Variants in LURAP1L observed in about 807,000 individuals in gnomAD.
LURAP1L encodes leucine rich adaptor protein 1 like.
Under a neutral mutation model 13.8 loss-of-function variants are expected in LURAP1L, and 12 were observed. The ratio of observed to expected loss-of-function variants is 0.87; its 90% CI spans 0.56 to 1.41. The LOEUF (loss-of-function observed/expected upper bound fraction) is 1.41. LURAP1L is among the 40% of genes most tolerant of loss of function. The pLI, the probability that LURAP1L is intolerant of heterozygous loss-of-function variation, is 0.00. For missense variants in LURAP1L, 375 were observed against 292.9 expected (o/e 1.28, Z -2.04); for synonymous variants, 139 against 119.2 (o/e 1.17, Z -1.08).
At chr9:12,794,053 G>A (rs1307983398) in intron 1 of LURAP1L, among the ~76,000 whole-genome samples, 1 of 152,028 alleles carries the variant, frequency 6.6e-6, no homozygotes, top group Non-Finnish European at 1.5e-5. Context: ...CATTAATTAA[G>A]CCTCCTAGGA....
chr9:12,786,923 T>G (rs150422366), intron 1 of LURAP1L, among the ~76,000 whole-genome samples: 1 of 152,160 alleles, frequency 6.6e-6, no homozygotes, highest in East Asian at 1.9e-4. Context: ...ATTGGACCCA[T>G]CATTTCATTT....
chr9:12,786,972 T>A (rs970338737), intron 1 of LURAP1L, among the ~76,000 whole-genome samples: 2 of 152,100 alleles, frequency 1.3e-5, no homozygotes, highest in African/African-American at 2.4e-5. Context: ...GTGAGCAGAA[T>A]AAAGTTGTTA....
At chr9:12,793,781 T>C (rs1036061440) in intron 1 of LURAP1L, among the ~76,000 whole-genome samples, 2 of 152,010 alleles carry the variant, frequency 1.3e-5, no homozygotes, top group East Asian at 1.9e-4. Flanking sequence ...CTTTACTTAG[T>C]ACCAAAGACG....
intron 1 of LURAP1L, among the ~76,000 whole-genome samples, chr9:12,776,954 G>C (rs189246924): frequency 1.9e-4 from 29 of 151,860 alleles, no homozygotes; most frequent in African/African-American, 6.5e-4. Flanking sequence ...CCCTCCCTAA[G>C]TCCTTTGAAA....
At chr9:12,806,313 G>A (rs1030853848) in intron 1 of LURAP1L, among the ~76,000 whole-genome samples, 4 of 151,936 alleles carry the variant, frequency 2.6e-5, no homozygotes, top group Non-Finnish European at 1.5e-5. Context: ...ATATGAATTC[G>A]TTTTCTAGTA....
intron 1 of LURAP1L, among the ~76,000 whole-genome samples, chr9:12,803,517 C>T (rs1374120560): frequency 1.3e-5 from 2 of 152,192 alleles, no homozygotes; most frequent in African/African-American, 4.8e-5. Flanking sequence ...CACCTGTTAT[C>T]TCTGTTTTAA....
Position 12,822,891 on chromosome 9 carries a change from C to A in LURAP1L, c.*1131C>A, listed in dbSNP as rs183607569. Reference sequence around the variant, plus strand: ...TGTTCTTTGTAATGATAAATGTTTCCGGACTAAACACTCTATAATACAAAT... The same window carrying A: ...TGTTCTTTGTAATGATAAATGTTTCAGGACTAAACACTCTATAATACAAAT... On this transcript the variant is annotated 3_prime_UTR_variant, in exon 2 of 2. Transcript: ENST00000319264. 2.0e-5 allele frequency among the ~76,000 whole-genome samples: 3 copies of A among 151,980 alleles called. No homozygotes were observed. The highest frequency in any genetic ancestry group is 7.3e-5 in the African/African-American group (3 of 41,372).
intron 1 of LURAP1L, among the ~76,000 whole-genome samples, chr9:12,778,725 G>A (rs536098954): frequency 5.3e-5 from 8 of 152,292 alleles, no homozygotes; most frequent in Non-Finnish European, 1.0e-4. Context: ...TGGAAATCTT[G>A]ATTTTTATTT....
Position 12,822,031 on chromosome 9 carries a change from C to T in LURAP1L, c.*271C>T. On this transcript the variant is annotated 3_prime_UTR_variant, in exon 2 of 2. Coordinates refer to ENST00000319264, the MANE Select transcript of LURAP1L (RefSeq NM_203403.2). ...AACAAAGTAGGGGGAAAAGAATAAG[C>T]AATAATTATGTTTTTGCTTTTGTTT... The T allele has an allele frequency of 3.0e-6, 1 of 331,294 alleles. No individual in the cohort carries two copies. Among genetic ancestry groups the T allele is most frequent in the Non-Finnish European group, 5.5e-6 (1 of 183,162 alleles). 20.5% of individuals were successfully genotyped at this position (331,294 alleles called of 1,614,324 possible).
At chr9:12,791,991 G>A (rs986936095) in intron 1 of LURAP1L, among the ~76,000 whole-genome samples, 3 of 152,200 alleles carry the variant, frequency 2.0e-5, no homozygotes, top group Middle Eastern at 6.8e-3. Context: ...CATACCTGAG[G>A]CCAGTATTCA....
chr9:12,803,554 A>G (rs991177218), intron 1 of LURAP1L, among the ~76,000 whole-genome samples: 2 of 152,224 alleles, frequency 1.3e-5, no homozygotes, highest in Admixed American at 6.5e-5. Flanking sequence ...TTTCTGCTGG[A>G]AAAGGATCAG....
chr9:12,819,781 T>C (rs1819848337), intron 1 of LURAP1L, among the ~76,000 whole-genome samples: 1 of 151,864 alleles, frequency 6.6e-6, no homozygotes, highest in Non-Finnish European at 1.5e-5. Flanking sequence ...GGTGAAACCC[T>C]GTCTCCACTA....
At chr9:12,800,369 A>G (rs1414849603) in intron 1 of LURAP1L, among the ~76,000 whole-genome samples, 1 of 152,180 alleles carries the variant, frequency 6.6e-6, no homozygotes, top group Non-Finnish European at 1.5e-5. Flanking sequence ...ACTGACAAAA[A>G]TCCAAGAGTT....
chr9:12,787,506 C>G (rs886716098), intron 1 of LURAP1L, among the ~76,000 whole-genome samples: 1 of 152,028 alleles, frequency 6.6e-6, no homozygotes, highest in Non-Finnish European at 1.5e-5. Context: ...CAGAAACAGG[C>G]AAGAGCATCA....
chr9:12,820,903 G>C (rs1243563138), intron 1 of LURAP1L, among the ~76,000 whole-genome samples: 1 of 152,096 alleles, frequency 6.6e-6, no homozygotes, highest in Non-Finnish European at 1.5e-5. Context: ...AATGAATGCT[G>C]AACTTTTATG....
chr9:12,810,079 T>C (rs1163195189), intron 1 of LURAP1L, among the ~76,000 whole-genome samples: 1 of 152,122 alleles, frequency 6.6e-6, no homozygotes, highest in Non-Finnish European at 1.5e-5. Context: ...TCTGGTAAAA[T>C]AGATTCCCTT....
At chr9:12,776,227 G>A (rs1819180733) in intron 1 of LURAP1L, among the ~76,000 whole-genome samples, 200 bp downstream of exon 1, 1 of 152,132 alleles carries the variant, frequency 6.6e-6, no homozygotes, top group Admixed American at 6.5e-5. Flanking sequence ...CGCGGACTTT[G>A]CTCGGTCACG....
intron 1 of LURAP1L, among the ~76,000 whole-genome samples, chr9:12,791,872 A>G (rs1481255898): frequency 2.0e-5 from 3 of 152,118 alleles, no homozygotes. Flanking sequence ...TCACACAATT[A>G]ATGCCACAAT....
Position 12,822,587 on chromosome 9 carries a change from A to C in LURAP1L, c.*827A>C, listed in dbSNP as rs1819896508. 6.6e-6 allele frequency among the ~76,000 whole-genome samples: 1 copy of C among 152,198 alleles called. No individual in the cohort carries two copies. The highest frequency in any genetic ancestry group is 1.5e-5 in the Non-Finnish European group (1 of 68,012). On this transcript the variant is annotated 3_prime_UTR_variant, in exon 2 of 2. Transcript: ENST00000319264. ...TCTGATAGGATGTATAAATACTTAG[A>C]TGCATACAAGCCGATGGATAGAAAG...
Sources: gnomAD v4.1 joint callset for allele counts (sites outside exome capture counted in the v4.1 genomes callset) on GRCh38, gnomAD v4.1.1 for gene constraint, MANE v1.5 for transcripts, NCBI Gene and HGNC (gene_info 2026-07-23, HGNC 2026-07-21) for gene names.